TOX: variants seen among roughly 807,000 people sequenced by gnomAD.
The protein encoded by TOX is thymocyte selection-associated high mobility group box protein TOX.
TOX carries 11 observed loss-of-function variants against 53.7 expected under a neutral mutation model. The ratio of observed to expected loss-of-function variants is 0.20; its 90% CI spans 0.13 to 0.34. The LOEUF (loss-of-function observed/expected upper bound fraction) is 0.34. TOX is among the 10% of genes least tolerant of loss of function. The probability of loss-of-function intolerance (pLI) is 1.00; values close to 1 mark genes in which losing one functional copy is unlikely to be tolerated. For synonymous variants in TOX, 225 were observed against 245.3 expected (o/e 0.92, Z 0.77); for missense variants, 570 against 664.6 (o/e 0.86, Z 1.56).
At chr8:58,872,339 T>A (rs1445416921) in intron 3 of TOX, among the ~76,000 whole-genome samples, 1 of 152,118 alleles carries the variant, frequency 6.6e-6, no homozygotes, top group South Asian at 2.1e-4. Flanking sequence ...AAGTCTCCAA[T>A]GCCAAAGAAT....
rs146037370 is a variant in TOX, at chr8:59,108,836, G to A, written c.102+10050C>T. On this transcript the variant is annotated intron_variant, in intron 1 of 8. Coordinates refer to ENST00000361421, the MANE Select transcript of TOX (RefSeq NM_014729.3). ...TCAATACAAACTGAGGGTATGAAGAGAACTACACCAACACTATGCCTATAA... is the reference window on the plus strand; with the variant it reads ...TCAATACAAACTGAGGGTATGAAGAAAACTACACCAACACTATGCCTATAA... Among the ~76,000 whole-genome samples the A allele has an allele frequency of 3.7e-3, 564 of 152,292 alleles. 3 individuals carry two copies. The highest frequency in any genetic ancestry group is 3.6e-3 in the Non-Finnish European group (247 of 68,010).
intron 1 of TOX, among the ~76,000 whole-genome samples, chr8:59,104,977 C>A (rs1235804875): frequency 1.3e-5 from 2 of 152,186 alleles, no homozygotes; most frequent in East Asian, 3.8e-4. Flanking sequence ...ACGACTTATT[C>A]ATCTCTGTGT....
chr8:59,069,301 T>C lies in TOX; in HGVS notation c.102+49585A>G, dbSNP rs142478557. Among the ~76,000 whole-genome samples, 369 of 152,290 alleles carry C rather than the reference T, an allele frequency of 2.4e-3. 1 individual carries two copies. Among genetic ancestry groups the C allele is most frequent in the Admixed American group, 7.1e-3 (109 of 15,298 alleles). On this transcript the variant is annotated intron_variant, in intron 1 of 8. Coordinates refer to ENST00000361421, the MANE Select transcript of TOX (RefSeq NM_014729.3). ...GGAGCAATGAGGATCCCTCCGTGGATGCTGGCTGGGGTCGCCAGGTAATTT... is the reference window on the plus strand; with the variant it reads ...GGAGCAATGAGGATCCCTCCGTGGACGCTGGCTGGGGTCGCCAGGTAATTT...
chr8:58,885,627 T>C (rs780657281), intron 3 of TOX, among the ~76,000 whole-genome samples: 2 of 152,160 alleles, frequency 1.3e-5, no homozygotes, highest in Non-Finnish European at 2.9e-5. Context: ...GATTCACTTA[T>C]CGCCTGTTCT....
At chr8:58,904,200 T>C (rs888765641) in intron 3 of TOX, among the ~76,000 whole-genome samples, 4 of 152,126 alleles carry the variant, frequency 2.6e-5, no homozygotes, top group Non-Finnish European at 5.9e-5. Context: ...GGAATAAAAA[T>C]TTACAAAATG....
intron 1 of TOX, among the ~76,000 whole-genome samples, chr8:58,996,264 G>A (rs1813559710): frequency 6.6e-6 from 1 of 152,208 alleles, no homozygotes; most frequent in African/African-American, 2.4e-5. Context: ...AGGAAGCAAA[G>A]CAGAGACTGA....
At chr8:58,893,945 A>G (rs1811599969) in intron 3 of TOX, among the ~76,000 whole-genome samples, 5 of 152,250 alleles carry the variant, frequency 3.3e-5, no homozygotes, top group Admixed American at 2.0e-4. Context: ...ATTCACTTCC[A>G]TCTATGAACT....
chr8:58,977,268 T>A (rs902891455), intron 1 of TOX, among the ~76,000 whole-genome samples: 3 of 152,244 alleles, frequency 2.0e-5, no homozygotes, highest in Non-Finnish European at 4.4e-5. Context: ...TCTTTAATAC[T>A]CATGAACCAA....
Position 58,976,954 on chromosome 8 carries a change from C to T in TOX, c.103-16946G>A, listed in dbSNP as rs547166567. Among the ~76,000 whole-genome samples the T allele has an allele frequency of 3.3e-5, 5 of 152,326 alleles. No individual in the cohort carries two copies. The South Asian group carries it at 1.0e-3, about 32-fold the overall frequency. On this transcript the variant is annotated intron_variant, in intron 1 of 8. Transcript: ENST00000361421. Reference sequence around the variant, plus strand: ...AGACTGAGCACAGTTCTTAAAGGCTCTAGATTTTCAGAATGGTAAATGAAC... The same window carrying T: ...AGACTGAGCACAGTTCTTAAAGGCTTTAGATTTTCAGAATGGTAAATGAAC...
intron 3 of TOX, among the ~76,000 whole-genome samples, chr8:58,886,007 T>C (rs1811460922): frequency 6.6e-6 from 1 of 152,148 alleles, no homozygotes; most frequent in Non-Finnish European, 1.5e-5. Context: ...TGTTGAAGTT[T>C]CAGTGTTTTC....
At chr8:59,051,568 C>T (rs1803789138) in intron 1 of TOX, among the ~76,000 whole-genome samples, 1 of 152,072 alleles carries the variant, frequency 6.6e-6, no homozygotes. Context: ...ATATGAAAGA[C>T]ACCACACTAG....
intron 1 of TOX, among the ~76,000 whole-genome samples, chr8:58,987,049 G>A (rs17241424): frequency 8.3e-4 from 126 of 152,262 alleles, no homozygotes; most frequent in African/African-American, 2.7e-3. Context: ...ATTTGCACAC[G>A]TTTGGAGAAG....
intron 4 of TOX, among the ~76,000 whole-genome samples, chr8:58,840,046 T>C (rs1246091110): frequency 6.6e-6 from 1 of 152,206 alleles, no homozygotes; most frequent in Admixed American, 6.5e-5. Flanking sequence ...CAAATATCAA[T>C]TATGACAAGG....
chr8:59,010,012 G>C (rs1813871386), intron 1 of TOX, among the ~76,000 whole-genome samples: 1 of 152,178 alleles, frequency 6.6e-6, no homozygotes, highest in African/African-American at 2.4e-5. Flanking sequence ...TTTTAGTTTG[G>C]TTTGAAAGAC....
In TOX at chr8:58,805,829, C is replaced by T. The variant is rs1342114616; in HGVS notation, c.*1918G>A. On this transcript the variant is annotated 3_prime_UTR_variant, in exon 9 of 9. Coordinates refer to ENST00000361421, the MANE Select transcript of TOX (RefSeq NM_014729.3). ...TCATTTTAATAATCACATGGATCTG[C>T]ATTATTTATTAGTTATTACATGCTC... 3 of 152,584 alleles carry T rather than the reference C, an allele frequency of 2.0e-5. No individual in the cohort carries two copies. Among genetic ancestry groups the T allele is most frequent in the Admixed American group, 2.0e-4 (3 of 15,282 alleles). The allele number at this position is 152,584 out of a possible 1,614,324, so 9.5% of individuals were successfully genotyped here. A position where few individuals can be genotyped will look rare whatever the true frequency, so the allele number is the denominator to read the frequency against.
rs763676335 is a variant in TOX at position 58,851,694 on chromosome 8, G to T, written c.523C>A (p.Pro175Thr). Residue 175 changes from proline (P) to threonine (T), a missense_variant, in exon 4 of 9, where the codon CCA becomes ACA. Pro to Thr is a conservative substitution (Grantham distance 38). Coordinates refer to ENST00000361421, the MANE Select transcript of TOX (RefSeq NM_014729.3). This position sits in a 1 kb window ranked among gnomAD's most constrained non-coding sequence, Gnocchi z 4.4. ...ADIRQQPGMM[P>T]HGQLTTINQS... ...TTAATGGTAGTCAGCTGGCCATGTG[G>T]CATCATTCCTGGCTGCTGCCTGATG... is the stretch of plus-strand genomic sequence containing the variant. 1 of 1,613,618 alleles carries T rather than the reference G, an allele frequency of 6.2e-7. No homozygotes were observed. Among genetic ancestry groups the T allele is most frequent in the Non-Finnish European group, 8.5e-7 (1 of 1,179,818 alleles).
At chr8:58,877,066 T>G (rs530829681) in intron 3 of TOX, among the ~76,000 whole-genome samples, 22 of 152,330 alleles carry the variant, frequency 1.4e-4, no homozygotes, top group African/African-American at 4.8e-4. Context: ...GGAGACTGTA[T>G]TTTGACTAAA....
intron 1 of TOX, among the ~76,000 whole-genome samples, chr8:59,102,081 C>A (rs1344024155): frequency 6.6e-6 from 1 of 152,080 alleles, no homozygotes; most frequent in African/African-American, 2.4e-5. Flanking sequence ...AGCAAATTTG[C>A]AAAAGAAAGA....
At chr8:59,092,971 T>C (rs542855898) in intron 1 of TOX, among the ~76,000 whole-genome samples, 36 of 152,238 alleles carry the variant, frequency 2.4e-4, no homozygotes, top group Non-Finnish European at 4.4e-4. Flanking sequence ...GGAAAGAGCA[T>C]TGGACAGGAC....
Sources: allele counts gnomAD v4.1 joint callset (sites outside exome capture counted in the v4.1 genomes callset), GRCh38; gene constraint gnomAD v4.1.1; non-coding constraint Gnocchi (gnomAD v3.1); transcripts MANE v1.5; gene names NCBI Gene and HGNC (gene_info 2026-07-23, HGNC 2026-07-21).